Variants in DSG1 observed in about 807,000 individuals in gnomAD.
DSG1 encodes desmoglein-1.
DSG1 carries 39 observed loss-of-function variants against 97.5 expected under a neutral mutation model. The observed-to-expected ratio is 0.40, with a 90% CI of 0.31 to 0.52. The LOEUF is 0.52. Ranked by LOEUF, DSG1 falls within the 20% of genes least tolerant of loss-of-function variation. The pLI, the probability that DSG1 is intolerant of heterozygous loss-of-function variation, is 0.53. For synonymous variants in DSG1, 475 were observed against 443.4 expected (o/e 1.07, Z -0.90); for missense variants, 1,311 against 1,295.4 (o/e 1.01, Z -0.18).
Position 31,355,431 on chromosome 18 carries a change from G to C in DSG1, c.*85G>C. ...AAAAACCAACAATGTGATTTATAAC[G>C]CACAACTTCGTGCTCAGGTCATCTA... On this transcript the variant is annotated 3_prime_UTR_variant, in exon 15 of 15. Coordinates refer to ENST00000257192, the MANE Select transcript of DSG1 (RefSeq NM_001942.4). The C allele has an allele frequency of 7.3e-7, 1 of 1,362,636 alleles. No individual in the cohort carries two copies. The highest frequency in any genetic ancestry group is 1.0e-6 in the Non-Finnish European group (1 of 973,520). The allele number at this position is 1,362,636 out of a possible 1,614,324, so 84.4% of individuals were successfully genotyped here.
In DSG1 at chr18:31,339,963, A is replaced by G. The variant is rs926042454; in HGVS notation, c.1625A>G (p.Asp542Gly). 1.9e-6 allele frequency: 3 copies of G among 1,614,010 alleles called. No individual in the cohort carries two copies. Among genetic ancestry groups the G allele is most frequent in the African/African-American group, 2.7e-5 (2 of 74,936 alleles). The change falls in exon 11 of 15, where the codon GAC becomes GGC. Residue 542 changes from aspartate (D) to glycine (G), a missense_variant. This residue lies in a region of DSG1 where 1,038 missense variants were observed against 964.6 expected (regional missense o/e 1.08). Transcript: ENST00000257192. Reference sequence around the variant, plus strand: ...AACGGAGCCAAAGATTTGTTATCAGACAATGTACATTTTGGTCCTGCTGGC... The same window carrying G: ...AACGGAGCCAAAGATTTGTTATCAGGCAATGTACATTTTGGTCCTGCTGGC... ...PGNGAKDLLSDNVHFGPAGIG... is the reference protein window; with the variant it reads ...PGNGAKDLLSGNVHFGPAGIG...
At chr18:31,348,927 C>T (rs1472142081) in intron 14 of DSG1, among the ~76,000 whole-genome samples, 1 of 94,618 alleles carries the variant, frequency 1.1e-5, no homozygotes, top group Admixed American at 1.3e-4. Context: ...CCTGTTCACT[C>T]TGATGGTAGT....
rs755989089 is a variant in DSG1, at chr18:31,326,916, T to G, written c.127T>G (p.Ser43Ala). The G allele has an allele frequency of 6.2e-7, 1 of 1,613,962 alleles. No homozygotes were observed. The highest frequency in any genetic ancestry group is 2.2e-5 in the East Asian group (1 of 44,866). ...TAAAAATGGCACCATCAAATGGCAT[T>G]CAATCCGAAGGCAGAAACGTGAATG... The part of the protein sequence containing the change: ...NTKNGTIKWH[S>A]IRRQKREWIK... Residue 43 changes from serine (S) to alanine (A), a missense_variant, in exon 3 of 15, where the codon TCA becomes GCA. Ser to Ala is a moderately conservative substitution (Grantham distance 99, BLOSUM62 1). Coordinates refer to ENST00000257192, the MANE Select transcript of DSG1 (RefSeq NM_001942.4).
At chr18:31,340,647 A>G (rs2071783405) in intron 11 of DSG1, among the ~76,000 whole-genome samples, 1 of 152,154 alleles carries the variant, frequency 6.6e-6, no homozygotes, top group South Asian at 2.1e-4. Flanking sequence ...GATGGACAAG[A>G]GAAAGGGAAC....
intron 14 of DSG1, among the ~76,000 whole-genome samples, chr18:31,352,594 CT>C (rs1255605006): frequency 6.7e-6 from 1 of 149,926 alleles, no homozygotes; most frequent in African/African-American, 2.5e-5. Context: ...CTCCCCATCA[CT>C]TTTAGGTACA....
intron 10 of DSG1, 78 bp downstream of exon 10, chr18:31,338,532 C>T (rs1056160739): frequency 3.3e-6 from 5 of 1,503,950 alleles, no homozygotes; most frequent in Non-Finnish European, 3.7e-6. Flanking sequence ...TTAACTATCA[C>T]ATTTTGAAGT....
At chr18:31,325,190 G>C (rs2071678463) in intron 1 of DSG1, among the ~76,000 whole-genome samples, 1 of 152,124 alleles carries the variant, frequency 6.6e-6, no homozygotes, top group African/African-American at 2.4e-5. Context: ...ATCCAGTTGA[G>C]AGTCTGACTG....
chr18:31,343,021 C>G (rs2071800318), intron 11 of DSG1, among the ~76,000 whole-genome samples: 1 of 151,916 alleles, frequency 6.6e-6, no homozygotes, highest in Admixed American at 6.6e-5. Flanking sequence ...AGCCATCCTC[C>G]CACCTCAGCC....
At position 31,354,648 on chromosome 18, in the gene DSG1, C is replaced by A; in HGVS notation, c.2452C>A (p.Pro818Thr). The change falls in exon 15 of 15, where the codon CCT becomes ACT. Residue 818 changes from proline (P) to threonine (T), a missense_variant. Physicochemically the swap from Pro to Thr is conservative, Grantham distance 38. Around this residue, in one of 3 missense-constraint regions of DSG1, gnomAD observed 1,038 missense variants for 964.6 expected, o/e 1.08. Coordinates refer to ENST00000257192, the MANE Select transcript of DSG1 (RefSeq NM_001942.4). ...VISESTYPSG[P>T]GVLHPKPILD... ...TTCTGAGAGCACCTATCCCTCGGGA[C>A]CTGGTGTACTGCATCCTAAGCCTAT... The A allele has an allele frequency of 6.2e-7, 1 of 1,614,166 alleles. No homozygotes were observed. The highest frequency in any genetic ancestry group is 8.5e-7 in the Non-Finnish European group (1 of 1,180,036).
At chr18:31,352,464 C>T (rs1378756003) in intron 14 of DSG1, among the ~76,000 whole-genome samples, 3 of 150,506 alleles carry the variant, frequency 2.0e-5, no homozygotes, top group South Asian at 2.1e-4. Context: ...TTGCTCTTCT[C>T]GAGGAGTATC....
intron 5 of DSG1, 105 bp from the exon 6 acceptor site, chr18:31,331,596 A>G: frequency 1.0e-6 from 1 of 1,000,184 alleles, no homozygotes; most frequent in East Asian, 2.6e-5. Context: ...TGAAGTCCAC[A>G]TCATAAGGAT....
rs2071803592 is a variant in DSG1 at position 31,343,451 on chromosome 18, G to C, written c.1689G>C (p.Leu563Phe). 1 of 1,613,962 alleles carries C rather than the reference G, an allele frequency of 6.2e-7. No individual in the cohort carries two copies. The highest frequency in any genetic ancestry group is 1.3e-5 in the African/African-American group (1 of 74,886). ...LLIMGFLVLG[L>F]VPFLMICCDC... The stretch of plus-strand genomic sequence containing the variant: ...GTATTACTATCCCTCCACCACCAGT[G>C]GTCCCATTTTTGATGATCTGTTGTG... The change falls in exon 12 of 15, where the codon TTG (leucine) becomes TTC (phenylalanine). Residue 563 changes from leucine (L) to phenylalanine (F), a missense_variant and splice_region_variant. Leu to Phe is a conservative substitution (Grantham distance 22, BLOSUM62 0). This residue lies in a region of DSG1 where 1,038 missense variants were observed against 964.6 expected (regional missense o/e 1.08). Transcript: ENST00000257192.
intron 11 of DSG1, among the ~76,000 whole-genome samples, chr18:31,340,952 G>A (rs2144103758): frequency 1.3e-5 from 2 of 152,316 alleles, no homozygotes; most frequent in Middle Eastern, 3.4e-3. Context: ...CTTTTGCCAT[G>A]TATGAAATAA....
chr18:31,348,421 A>G (rs999644780), intron 14 of DSG1, among the ~76,000 whole-genome samples: 8 of 151,880 alleles, frequency 5.3e-5, no homozygotes, highest in African/African-American at 1.7e-4. Context: ...TAATGCCGCA[A>G]TAAACATACG....
chr18:31,326,753 C>A, intron 2 of DSG1, 121 bp from the exon 3 acceptor site: 2 of 1,366,512 alleles, frequency 1.5e-6, no homozygotes, highest in South Asian at 1.2e-5. Flanking sequence ...ACCAAAATTA[C>A]CAATTTTCCC....
intron 1 of DSG1, among the ~76,000 whole-genome samples, chr18:31,325,189 A>G (rs1173403401): frequency 6.6e-6 from 1 of 152,182 alleles, no homozygotes; most frequent in Non-Finnish European, 1.5e-5. Context: ...AATCCAGTTG[A>G]GAGTCTGACT....
chr18:31,327,374 TTTTG>T (rs986661114), intron 3 of DSG1, among the ~76,000 whole-genome samples: 1 of 152,198 alleles, frequency 6.6e-6, no homozygotes, highest in African/African-American at 2.4e-5. Context: ...ATTCCTACTT[TTTTG>T]TTTGTTTATT....
At chr18:31,326,738 A>C in intron 2 of DSG1, 122 bp downstream of exon 2, 1 of 1,328,912 alleles carries the variant, frequency 7.5e-7, no homozygotes, top group Non-Finnish European at 1.1e-6. Flanking sequence ...TAAAATTAAT[A>C]GATTACCAAA....
chr18:31,334,071 GTAAT>G lies in DSG1; in HGVS notation c.876_879del (p.Asp294TrpfsTer12). The G allele has an allele frequency of 6.2e-7, 1 of 1,610,948 alleles. No individual in the cohort carries two copies. Among genetic ancestry groups the G allele is most frequent in the Non-Finnish European group, 8.5e-7 (1 of 1,177,442 alleles). Reference sequence around the variant, plus strand: ...AAATTCAAATTTGCTCGAGATTAGAGTAATTGATTTGGATGAAGAGTTCTCAGCT... The same window carrying G: ...AAATTCAAATTTGCTCGAGATTAGAGTGATTTGGATGAAGAGTTCTCAGCT... On this transcript the variant is annotated frameshift_variant, in exon 8 of 15. Coordinates refer to ENST00000257192, the MANE Select transcript of DSG1 (RefSeq NM_001942.4). LOFTEE classifies it high-confidence loss of function.
Sources: gnomAD v4.1 joint callset for allele counts (sites outside exome capture counted in the v4.1 genomes callset) on GRCh38, gnomAD v4.1.1 for gene constraint, gnomAD v4.1.1 regional missense constraint, MANE v1.5 for transcripts, NCBI Gene and HGNC (gene_info 2026-07-23, HGNC 2026-07-21) for gene names.